RHEB: variants seen among roughly 807,000 people sequenced by gnomAD.
The protein encoded by RHEB is Ras homolog, mTORC1 binding.
RHEB carries 2 observed loss-of-function variants against 28.8 expected under a neutral mutation model. The observed-to-expected ratio is 0.07, with a 90% confidence interval of 0.03 to 0.22. The LOEUF is 0.22. RHEB is among the 10% of genes least tolerant of loss of function. The probability of loss-of-function intolerance (pLI) is 1.00; values close to 1 mark genes in which losing one functional copy is unlikely to be tolerated. For missense variants in RHEB, 76 were observed against 219.9 expected (o/e 0.35, Z 4.14); for synonymous variants, 69 against 77.3 (o/e 0.89, Z 0.56).
At chr7:151,473,252 A>G (rs545109359) in intron 4 of RHEB, among the ~76,000 whole-genome samples, 1 of 152,370 alleles carries the variant, frequency 6.6e-6, no homozygotes, top group African/African-American at 2.4e-5. Context: ...AGCACCTGGC[A>G]AGGAGCAGAG....
intron 2 of RHEB, among the ~76,000 whole-genome samples, chr7:151,489,555 T>C (rs1451217242): frequency 6.6e-6 from 1 of 152,252 alleles, no homozygotes; most frequent in Non-Finnish European, 1.5e-5. Context: ...CCAAATATTT[T>C]AAGCGAGGGG....
chr7:151,472,721 A>G lies in RHEB; in HGVS notation c.276-1116T>C, dbSNP rs559370555. The stretch of plus-strand genomic sequence containing the variant: ...AAATAATAGGTCCGCAAGGGCAGGG[A>G]TTTGTCTGCTTTGTTCATGATTGCA... On this transcript the variant is annotated intron_variant, in intron 4 of 7. Coordinates refer to ENST00000262187, the MANE Select transcript of RHEB (RefSeq NM_005614.4). The surrounding 1 kb of genome is among the most constrained non-coding windows in gnomAD (Gnocchi z 5.2). Among the ~76,000 whole-genome samples the G allele has an allele frequency of 1.3e-5, 2 of 152,194 alleles. No individual in the cohort carries two copies. Among genetic ancestry groups the G allele is most frequent in the African/African-American group, 4.8e-5 (2 of 41,502 alleles).
At chr7:151,503,581 G>A in intron 1 of RHEB, 1 of 515,030 alleles carries the variant, frequency 1.9e-6, no homozygotes, top group Non-Finnish European at 3.5e-6. Context: ...CTTTATCCAT[G>A]AGTACTGGTT....
intron 4 of RHEB, chr7:151,471,906 A>G (rs569941377): frequency 3.0e-6 from 1 of 338,052 alleles, no homozygotes; most frequent in South Asian, 5.1e-5. Flanking sequence ...CTCATTCAGC[A>G]AAGAACCAAC....
chr7:151,503,404 G>A (rs2150935215), intron 1 of RHEB: 1 of 1,162,082 alleles, frequency 8.6e-7, no homozygotes, highest in South Asian at 1.2e-5. Context: ...GTACCGAGTA[G>A]ATTTCCAGGG....
rs185092499 is a variant in RHEB at position 151,506,298 on chromosome 7, C to A, written c.52+13162G>T. On this transcript the variant is annotated intron_variant, in intron 1 of 7. Coordinates refer to ENST00000262187, the MANE Select transcript of RHEB (RefSeq NM_005614.4). Reference sequence around the variant, plus strand: ...CTGCTGGTCTCAAATGATCCTCTCACCTTGGTCTCTCAAAGCACTGGGATT... The same window carrying A: ...CTGCTGGTCTCAAATGATCCTCTCAACTTGGTCTCTCAAAGCACTGGGATT... Among the ~76,000 whole-genome samples, 377 of 151,848 alleles carry A rather than the reference C, an allele frequency of 2.5e-3. 4 individuals carry two copies. Among genetic ancestry groups the A allele is most frequent in the African/African-American group, 8.4e-3 (346 of 41,378 alleles).
intron 1 of RHEB, among the ~76,000 whole-genome samples, chr7:151,500,194 A>G (rs528130212): frequency 6.6e-6 from 1 of 152,250 alleles, no homozygotes; most frequent in Non-Finnish European, 1.5e-5. Context: ...AAGATGAAAC[A>G]TTAGGAAGAT....
intron 1 of RHEB, among the ~76,000 whole-genome samples, chr7:151,498,901 TC>T (rs11359140): frequency 0.066 from 10,076 of 152,274 alleles, 1,078 homozygotes; most frequent in African/African-American, 0.23. Flanking sequence ...CCATTCTGAA[TC>T]CCAAGTTTTC....
chr7:151,495,948 G>A (rs1309339662), intron 1 of RHEB, among the ~76,000 whole-genome samples: 1 of 152,094 alleles, frequency 6.6e-6, no homozygotes, highest in East Asian at 1.9e-4. Flanking sequence ...CCCTCCCACC[G>A]ACTCCCTACA....
intron 1 of RHEB, among the ~76,000 whole-genome samples, chr7:151,507,130 A>G (rs896549032): frequency 1.3e-5 from 2 of 152,162 alleles, no homozygotes; most frequent in Non-Finnish European, 2.9e-5. Flanking sequence ...TGTAAACGGC[A>G]GAAAAAAGAC....
chr7:151,516,006 T>C (rs966830800), intron 1 of RHEB, among the ~76,000 whole-genome samples: 41 of 152,128 alleles, frequency 2.7e-4, no homozygotes, highest in African/African-American at 9.6e-4. Context: ...CAGTGAAAGA[T>C]GTACCAGGCT....
chr7:151,467,740 C>T (rs1340794908), intron 7 of RHEB, among the ~76,000 whole-genome samples: 1 of 152,142 alleles, frequency 6.6e-6, no homozygotes, highest in Non-Finnish European at 1.5e-5. Flanking sequence ...CACAAACTGC[C>T]CTCCCTATCT....
chr7:151,473,454 A>G (rs1802202161), intron 4 of RHEB, among the ~76,000 whole-genome samples: 1 of 152,232 alleles, frequency 6.6e-6, no homozygotes, highest in Non-Finnish European at 1.5e-5. Flanking sequence ...GGACACAGCT[A>G]GGCCACACCC....
At chr7:151,516,690 G>A (rs893579401) in intron 1 of RHEB, among the ~76,000 whole-genome samples, 2 of 148,870 alleles carry the variant, frequency 1.3e-5, no homozygotes, top group African/African-American at 4.9e-5. Flanking sequence ...TGTTTTATCT[G>A]AAGACAACTT....
In RHEB at chr7:151,471,432, A is replaced by G. The variant is rs202221940; in HGVS notation, c.342T>C (p.Ile114=). The change falls in exon 6 of 8, where the codon ATT becomes ATC. Residue 114 remains isoleucine (I), a synonymous_variant. Transcript: ENST00000262187. ...GGTCTTTCTTATTCCCAACCAACAT[A>G]ATAGGTATTCTATTTGTAAGAAAAA... ...LDMVGKVQIP[I]MLVGNKKDLH... 5.9e-5 allele frequency: 94 copies of G among 1,583,122 alleles called. No homozygotes were observed. The East Asian group carries it at 2.1e-3, about 35-fold the overall frequency.
chr7:151,511,146 G>C (rs1802980436), intron 1 of RHEB, among the ~76,000 whole-genome samples: 1 of 151,948 alleles, frequency 6.6e-6, no homozygotes, highest in African/African-American at 2.4e-5. Flanking sequence ...CTAAGACACA[G>C]AAGTCTTAGA....
intron 1 of RHEB, among the ~76,000 whole-genome samples, chr7:151,505,848 A>G (rs758010893): frequency 3.3e-5 from 5 of 152,270 alleles, no homozygotes; most frequent in Non-Finnish European, 7.3e-5. Flanking sequence ...AACACCATGG[A>G]TGAATCTCAA....
intron 1 of RHEB, chr7:151,502,847 T>C: frequency 2.9e-6 from 3 of 1,027,512 alleles, no homozygotes; most frequent in Non-Finnish European, 4.6e-6. Context: ...TTTAGCTGGA[T>C]CTGCTGACTT....
intron 7 of RHEB, among the ~76,000 whole-genome samples, chr7:151,470,029 G>A (rs2150919845): frequency 6.6e-6 from 1 of 152,324 alleles, no homozygotes; most frequent in South Asian, 2.1e-4. Context: ...GCTCATACAG[G>A]ACTGTGAAGC....
Sources: allele counts gnomAD v4.1 joint callset (sites outside exome capture counted in the v4.1 genomes callset), GRCh38; gene constraint gnomAD v4.1.1; non-coding constraint Gnocchi (gnomAD v3.1); transcripts MANE v1.5; gene names NCBI Gene and HGNC (gene_info 2026-07-23, HGNC 2026-07-21).